Variants in ZRANB2 observed in about 807,000 individuals in gnomAD.
ZRANB2 encodes zinc finger RANBP2-type containing 2, also known as zinc finger Ran-binding domain-containing protein 2.
In ZRANB2, 19 loss-of-function variants were observed where a neutral mutation model predicts 53.4. The ratio of observed to expected loss-of-function variants is 0.36; its 90% CI spans 0.25 to 0.52. The LOEUF (loss-of-function observed/expected upper bound fraction) is 0.52, where lower values mean the gene tolerates loss of function less well. Ranked by LOEUF, ZRANB2 falls within the 20% of genes least tolerant of loss-of-function variation. ZRANB2 has a pLI of 0.93. For synonymous variants in ZRANB2, 145 were observed against 134.8 expected, an observed-to-expected ratio of 1.08 and a Z score of -0.52; for missense variants, 309 against 401.1, an observed-to-expected ratio of 0.77 and a Z score of 1.96.
chr1:71,065,153 G>C lies in ZRANB2; in HGVS notation c.930-16C>G. 6.3e-7 allele frequency: 1 copy of C among 1,595,420 alleles called. No homozygotes were observed. Among genetic ancestry groups the C allele is most frequent in the African/African-American group, 1.3e-5 (1 of 74,512 alleles). On this transcript the variant is annotated splice_polypyrimidine_tract_variant and intron_variant, in intron 9 of 9. Coordinates refer to ENST00000370920, the MANE Select transcript of ZRANB2 (RefSeq NM_203350.3). ...CCTGTGGCGTCTGTAAGACATAATG[G>C]AGAGAGTAGGCATTCTAGTAAGCTA...
chr1:71,080,925 C>G lies in ZRANB2; in HGVS notation c.56+15G>C, dbSNP rs769557770. The G allele has an allele frequency of 3.7e-6, 6 of 1,613,904 alleles. No individual in the cohort carries two copies. In the Admixed American group the frequency reaches 5.0e-5, roughly 13 times the overall value. Reference sequence around the variant, plus strand: ...AACAAACTCCGTCCCAATTCAGGACCCTTCTTGAACTCACTTTTTGTCAGG... The same window carrying G: ...AACAAACTCCGTCCCAATTCAGGACGCTTCTTGAACTCACTTTTTGTCAGG... On this transcript the variant is annotated intron_variant, in intron 1 of 9. Coordinates refer to ENST00000370920, the MANE Select transcript of ZRANB2 (RefSeq NM_203350.3).
chr1:71,080,579 C>T (rs1195719180), intron 1 of ZRANB2, among the ~76,000 whole-genome samples: 1 of 147,140 alleles, frequency 6.8e-6, no homozygotes, highest in African/African-American at 2.5e-5. Flanking sequence ...AGAGAAAAGT[C>T]ACGTGGGGGA....
chr1:71,069,119 T>A (rs990723252), intron 8 of ZRANB2, among the ~76,000 whole-genome samples, 157 bp downstream of exon 8: 1 of 152,178 alleles, frequency 6.6e-6, no homozygotes, highest in African/African-American at 2.4e-5. Flanking sequence ...AAACATTTCA[T>A]GGTGAGAAAA....
intron 4 of ZRANB2, 76 bp downstream of exon 4, chr1:71,076,719 G>C (rs1200104270): frequency 1.8e-6 from 2 of 1,099,474 alleles, no homozygotes; most frequent in South Asian, 2.7e-5. Context: ...GCTCTTACTC[G>C]AAGGTGATAC....
At chr1:71,065,772 GTTCA>G in intron 9 of ZRANB2, 2 of 1,611,866 alleles carry the variant, frequency 1.2e-6, no homozygotes, top group Non-Finnish European at 1.7e-6. Context: ...TAGAGAACAT[GTTCA>G]TTAAGTTTAG....
Position 71,069,336 on chromosome 1 carries a change from G to A in ZRANB2, c.710C>T (p.Ser237Leu), listed in dbSNP as rs1008540270. The change falls in exon 8 of 10, where the codon TCG becomes TTG. Residue 237 changes from serine (S) to leucine (L), a missense_variant. Ser to Leu is a moderately radical substitution (Grantham distance 145). Coordinates refer to ENST00000370920, the MANE Select transcript of ZRANB2 (RefSeq NM_203350.3). ...SRSRSRSSSS[S>L]QSRSRSSSRE... The stretch of plus-strand genomic sequence containing the variant: ...GGAACTGGAACGAGATCTTGACTGC[G>A]AACTGGAAGAACTTCTTGAACGGGA... 5.6e-6 allele frequency: 9 copies of A among 1,612,406 alleles called. No homozygotes were observed. The highest frequency in any genetic ancestry group is 1.7e-5 in the Admixed American group (1 of 59,774).
rs753183647 is a variant in ZRANB2 at position 71,069,303 on chromosome 1, C to T, written c.743G>A (p.Arg248His). ...QSRSRSSSRE[R>H]SRSRGSKSRS... ...TGATTTCGACCCACGAGATCTCGAA[C>T]GTTCTCTGGAACTGGAACGAGATCT... Residue 248 changes from arginine (R) to histidine (H), a missense_variant, in exon 8 of 10, where the codon CGT becomes CAT. Physicochemically the swap from Arg to His is conservative, Grantham distance 29. This residue lies in a region of ZRANB2 where 211 missense variants were observed against 196.1 expected (regional missense o/e 1.08). Transcript: ENST00000370920. The T allele has an allele frequency of 1.1e-5, 18 of 1,612,288 alleles. No individual in the cohort carries two copies. Among genetic ancestry groups the T allele is most frequent in the East Asian group, 1.1e-4 (5 of 44,798 alleles).
At chr1:71,067,030 A>G (rs1573050321) in intron 8 of ZRANB2, 96 bp from the exon 9 acceptor site, 4 of 1,245,520 alleles carry the variant, frequency 3.2e-6, no homozygotes, top group South Asian at 3.7e-5. Context: ...AACAGGATTT[A>G]TAACAACTAT....
Position 71,072,146 on chromosome 1 carries a change from T to A in ZRANB2, c.488A>T (p.Asp163Val). ...CTCATCTAACTTATATTTAGAAAGA[T>A]CTTCATCCTCATCCTCTTCTTCTCC... is the stretch of plus-strand genomic sequence containing the variant. Reference protein sequence around the residue: ...SEGEEEDEDEDLSKYKLDEDE... With the variant: ...SEGEEEDEDEVLSKYKLDEDE... The change falls in exon 6 of 10, where the codon GAT becomes GTT. Residue 163 changes from aspartate to valine, a missense_variant. Around this residue, in one of 3 missense-constraint regions of ZRANB2, gnomAD observed 74 missense variants for 180.1 expected, o/e 0.41. Coordinates refer to ENST00000370920, the MANE Select transcript of ZRANB2 (RefSeq NM_203350.3). 1 of 1,611,352 alleles carries A rather than the reference T, an allele frequency of 6.2e-7. No homozygotes were observed.
At chr1:71,066,704 G>C (rs1661448409) in intron 9 of ZRANB2, 72 bp downstream of exon 9, 2 of 1,491,820 alleles carry the variant, frequency 1.3e-6, no homozygotes, top group Admixed American at 2.3e-5. Flanking sequence ...TCTAACCCTT[G>C]ACTAGGAAAG....
At position 71,069,904 on chromosome 1, in the gene ZRANB2, G is replaced by A. The variant is rs942381309; in HGVS notation, c.684-542C>T. Among the ~76,000 whole-genome samples, 5 of 152,048 alleles carry A rather than the reference G, an allele frequency of 3.3e-5. No homozygotes were observed. The South Asian group carries it at 6.2e-4, about 19-fold the overall frequency. ...TATATTATTGGAAAATATGACACAA[G>A]GGAGACATGGTTCGTACAAATTTTA... On this transcript the variant is annotated intron_variant, in intron 7 of 9. Coordinates refer to ENST00000370920, the MANE Select transcript of ZRANB2 (RefSeq NM_203350.3).
At chr1:71,080,898 C>G (rs1280931639) in intron 1 of ZRANB2, 42 bp downstream of exon 1, 1 of 1,610,900 alleles carries the variant, frequency 6.2e-7, no homozygotes, top group South Asian at 1.1e-5. Flanking sequence ...AAAGCTTCCA[C>G]TAACAAACTC....
intron 3 of ZRANB2, 29 bp downstream of exon 3, chr1:71,078,428 A>C: frequency 6.3e-7 from 1 of 1,580,438 alleles, no homozygotes; most frequent in Non-Finnish European, 8.7e-7. Context: ...TTTTGGAAGA[A>C]AGAGCAGACA....
At chr1:71,074,619 T>C (rs1661666805) in intron 4 of ZRANB2, among the ~76,000 whole-genome samples, 1 of 151,722 alleles carries the variant, frequency 6.6e-6, no homozygotes, top group South Asian at 2.1e-4. Context: ...AAAATCACAA[T>C]GTACTAAGTT....
intron 4 of ZRANB2, among the ~76,000 whole-genome samples, chr1:71,074,044 C>T (rs1410473920): frequency 6.6e-6 from 1 of 152,100 alleles, no homozygotes; most frequent in Non-Finnish European, 1.5e-5. Context: ...TATTTCCACT[C>T]TTGCCGCCAC....
chr1:71,080,001 A>C (rs1661801048), intron 1 of ZRANB2, among the ~76,000 whole-genome samples: 1 of 152,210 alleles, frequency 6.6e-6, no homozygotes, highest in Admixed American at 6.5e-5. Context: ...TTTCATTAAA[A>C]AAAAAATTCT....
At chr1:71,077,449 T>G (rs1226927790) in intron 3 of ZRANB2, among the ~76,000 whole-genome samples, 1 of 152,124 alleles carries the variant, frequency 6.6e-6, no homozygotes, top group Non-Finnish European at 1.5e-5. Context: ...TTTTTTGAGG[T>G]CTCAGTTCAA....
At chr1:71,079,329 A>C (rs1661782280) in intron 1 of ZRANB2, among the ~76,000 whole-genome samples, 1 of 152,344 alleles carries the variant, frequency 6.6e-6, no homozygotes, top group Non-Finnish European at 1.5e-5. Flanking sequence ...CATGTAGTAC[A>C]GTAAGACTTT....
At position 71,070,950 on chromosome 1, in the gene ZRANB2, G is replaced by A. The variant is rs752986574; in HGVS notation, c.560C>T (p.Ala187Val). Residue 187 changes from alanine to valine, a missense_variant, in exon 7 of 10, where the codon GCC (alanine) becomes GTC (valine). Ala to Val is a moderately conservative substitution (Grantham distance 64). This residue lies in a region of ZRANB2 where 211 missense variants were observed against 196.1 expected (regional missense o/e 1.08). Transcript: ENST00000370920. Reference protein sequence around the residue: ...DADLSKYNLDASEEEDSNKKK... With the variant: ...DADLSKYNLDVSEEEDSNKKK... The stretch of plus-strand genomic sequence containing the variant: ...TTTATTACTATCTTCTTCTTCACTG[G>A]CATCAAGATTATATTTTGAGAGATC... 6.8e-6 allele frequency: 11 copies of A among 1,607,676 alleles called. No homozygotes were observed. Among genetic ancestry groups the A allele is most frequent in the South Asian group, 1.1e-5 (1 of 90,282 alleles).
Sources: allele counts gnomAD v4.1 joint callset (sites outside exome capture counted in the v4.1 genomes callset), GRCh38; gene constraint gnomAD v4.1.1; regional missense constraint gnomAD v4.1.1; transcripts MANE v1.5; gene names NCBI Gene and HGNC (gene_info 2026-07-23, HGNC 2026-07-21).